PRKCE: variants seen among roughly 807,000 people sequenced by gnomAD.
PRKCE encodes protein kinase C epsilon type.
Under a neutral mutation model 85.4 loss-of-function variants are expected in PRKCE, and 16 were observed. The observed-to-expected ratio is 0.19, with a 90% CI of 0.13 to 0.28. PRKCE has a LOEUF of 0.28. PRKCE is among the 10% of genes least tolerant of loss of function. The probability of loss-of-function intolerance (pLI) is 1.00; values close to 1 mark genes in which losing one functional copy is unlikely to be tolerated. For synonymous variants in PRKCE, 388 were observed against 371.5 expected, an observed-to-expected ratio of 1.04 and a Z score of -0.51; for missense variants, 573 against 975.2, an observed-to-expected ratio of 0.59 and a Z score of 5.49.
intron 2 of PRKCE, among the ~76,000 whole-genome samples, chr2:45,953,793 C>T (rs1700790850): frequency 6.6e-6 from 1 of 152,184 alleles, no homozygotes; most frequent in African/African-American, 2.4e-5. Flanking sequence ...CGCTGGCTTT[C>T]TCAGCACTCT....
intron 1 of PRKCE, among the ~76,000 whole-genome samples, chr2:45,765,076 ACT>A (rs1407679434): frequency 2.6e-5 from 4 of 151,810 alleles, no homozygotes; most frequent in African/African-American, 9.7e-5. Context: ...AAACCCACCC[ACT>A]CACACGGGCC....
At chr2:45,943,542 CT>C (rs1356835170) in intron 2 of PRKCE, among the ~76,000 whole-genome samples, 1 of 152,240 alleles carries the variant, frequency 6.6e-6, no homozygotes, top group Non-Finnish European at 1.5e-5. Flanking sequence ...CCCACAAAGA[CT>C]CAAAATGGTT....
At chr2:46,002,581 C>T (rs866303824) in intron 7 of PRKCE, among the ~76,000 whole-genome samples, 1 of 152,232 alleles carries the variant, frequency 6.6e-6, no homozygotes, top group African/African-American at 2.4e-5. Context: ...CCTGTTTTCT[C>T]AATAAGCAAA....
chr2:46,162,358 C>G (rs1460743687), intron 14 of PRKCE, among the ~76,000 whole-genome samples: 2 of 152,138 alleles, frequency 1.3e-5, no homozygotes, highest in Non-Finnish European at 2.9e-5. Context: ...CCTTATCACC[C>G]CCTGAGAGGA....
At chr2:45,797,137 C>T (rs746652318) in intron 1 of PRKCE, among the ~76,000 whole-genome samples, 2 of 152,132 alleles carry the variant, frequency 1.3e-5, no homozygotes, top group African/African-American at 2.4e-5. Flanking sequence ...TGCCTGTGAC[C>T]GCCTGTATGT....
intron 1 of PRKCE, among the ~76,000 whole-genome samples, chr2:45,729,475 C>T (rs1315387723): frequency 6.6e-6 from 1 of 152,172 alleles, no homozygotes; most frequent in African/African-American, 2.4e-5. Flanking sequence ...CCATCATATG[C>T]ATCTATGTGT....
chr2:46,025,250 G>A (rs1346431468), intron 10 of PRKCE, among the ~76,000 whole-genome samples: 1 of 152,186 alleles, frequency 6.6e-6, no homozygotes, highest in Non-Finnish European at 1.5e-5. Context: ...ACCCTGAAGT[G>A]TTAAAAAACA....
In PRKCE at chr2:46,007,334, A is replaced by G. The variant is rs1248339989; in HGVS notation, c.1064-128A>G. The G allele has an allele frequency of 6.9e-6, 6 of 866,782 alleles. No homozygotes were observed. In the East Asian group the frequency reaches 1.0e-4, roughly 15 times the overall value. 53.7% of individuals were successfully genotyped at this position (866,782 alleles called of 1,614,324 possible). A position where few individuals can be genotyped will look rare whatever the true frequency, so the allele number is the denominator to read the frequency against. ...GAAGGAACATACAAAGGGATGTCAC[A>G]CTGGATCTGTTGTGAAGAACCAGAA... On this transcript the variant is annotated intron_variant, in intron 8 of 14. Transcript: ENST00000306156.
Position 46,004,560 on chromosome 2 carries a change from TC to T in PRKCE, c.989del (p.Pro330ArgfsTer27). On this transcript the variant is annotated frameshift_variant, in exon 8 of 15. Coordinates refer to ENST00000306156, the MANE Select transcript of PRKCE (RefSeq NM_005400.3). LOFTEE classifies it high-confidence loss of function. The surrounding 1 kb of genome is among the most constrained non-coding windows in gnomAD (Gnocchi z 4.1). ...RRKKLIAGAE[S>X]PQPASGSSPS... is the part of the protein sequence containing the mutation. ...TCTCTAGCTCATTGCTGGTGCCGAG[TC>T]CCCGCAGCCTGCTTCTGGAAGCTCA... The T allele has an allele frequency of 6.3e-7, 1 of 1,587,284 alleles. No homozygotes were observed. Among genetic ancestry groups the T allele is most frequent in the Non-Finnish European group, 8.5e-7 (1 of 1,173,906 alleles).
chr2:45,743,037 C>T (rs1264320459), intron 1 of PRKCE, among the ~76,000 whole-genome samples: 1 of 152,150 alleles, frequency 6.6e-6, no homozygotes, highest in East Asian at 1.9e-4. Context: ...ATAAATATTG[C>T]ATGATCTCAT....
At chr2:46,084,223 T>A (rs1669366801) in intron 10 of PRKCE, among the ~76,000 whole-genome samples, 1 of 152,204 alleles carries the variant, frequency 6.6e-6, no homozygotes, top group Non-Finnish European at 1.5e-5. Flanking sequence ...CCGGTAAAGA[T>A]GGAATAATTC....
At chr2:45,945,610 G>A (rs957376015) in intron 2 of PRKCE, among the ~76,000 whole-genome samples, 1 of 152,182 alleles carries the variant, frequency 6.6e-6, no homozygotes, top group Non-Finnish European at 1.5e-5. Context: ...TTGAGCACAT[G>A]CTATGTACCA....
intron 12 of PRKCE, among the ~76,000 whole-genome samples, chr2:46,148,795 T>C (rs1402908992): frequency 1.3e-5 from 2 of 152,204 alleles, no homozygotes; most frequent in Non-Finnish European, 2.9e-5. Flanking sequence ...AGAAAGTGCC[T>C]GCAACTCGTA....
At chr2:45,947,945 G>A (rs558810659) in intron 2 of PRKCE, among the ~76,000 whole-genome samples, 6 of 152,290 alleles carry the variant, frequency 3.9e-5, no homozygotes, top group East Asian at 1.9e-4. Context: ...AGAGAACTAC[G>A]TATATGTGAA....
At chr2:45,751,874 G>C (rs1432490983) in intron 1 of PRKCE, among the ~76,000 whole-genome samples, 2 of 132,706 alleles carry the variant, frequency 1.5e-5, no homozygotes, top group Non-Finnish European at 3.1e-5. Context: ...CTGGAGTGCA[G>C]TGGCGGGATC....
At chr2:46,015,715 G>GAAAAATAAAA (rs1706080548) in intron 10 of PRKCE, among the ~76,000 whole-genome samples, 2 of 139,504 alleles carry the variant, frequency 1.4e-5, no homozygotes, top group Non-Finnish European at 3.0e-5. Context: ...AAAAAAAAAC[G>GAAAAATAAAA]AAGTAAAAAT....
At chr2:45,872,637 G>A (rs756332237) in intron 2 of PRKCE, among the ~76,000 whole-genome samples, 20 of 152,182 alleles carry the variant, frequency 1.3e-4, no homozygotes, top group South Asian at 2.1e-4. Flanking sequence ...ATATTTGAGC[G>A]GGAGAGTGGA....
chr2:45,867,576 C>T (rs965736327), intron 2 of PRKCE, among the ~76,000 whole-genome samples: 10 of 152,124 alleles, frequency 6.6e-5, no homozygotes, highest in South Asian at 2.1e-4. Flanking sequence ...AAAGTGATCA[C>T]GATGAGAGAT....
intron 1 of PRKCE, among the ~76,000 whole-genome samples, chr2:45,727,759 A>T (rs1681205284): frequency 6.6e-6 from 1 of 151,974 alleles, no homozygotes; most frequent in African/African-American, 2.4e-5. Context: ...GGTTCAAGCG[A>T]TTCTCCCGCT....
Sources: gnomAD v4.1 joint callset for allele counts (sites outside exome capture counted in the v4.1 genomes callset) on GRCh38, gnomAD v4.1.1 for gene constraint, Gnocchi (gnomAD v3.1) non-coding constraint, MANE v1.5 for transcripts, NCBI Gene and HGNC (gene_info 2026-07-23, HGNC 2026-07-21) for gene names.